Variants in LRMDA observed in about 807,000 individuals in gnomAD.
The protein encoded by LRMDA is leucine-rich melanocyte differentiation-associated protein.
Under a neutral mutation model 29.8 loss-of-function variants are expected in LRMDA, and 18 were observed. The ratio of observed to expected loss-of-function variants is 0.60; its 90% CI spans 0.42 to 0.90. The LOEUF (loss-of-function observed/expected upper bound fraction) is 0.90, where lower values mean the gene tolerates loss of function less well. Among genes scored for constraint, LRMDA ranks in the 40% least tolerant of loss-of-function variants. The pLI, the probability that LRMDA is intolerant of heterozygous loss-of-function variation, is 0.00. For missense variants in LRMDA, 273 were observed against 273.9 expected (o/e 1.00, Z 0.02); for synonymous variants, 125 against 109.4 (o/e 1.14, Z -0.89).
chr10:76,473,070 G>A (rs1212468153), intron 6 of LRMDA, among the ~76,000 whole-genome samples: 1 of 151,336 alleles, frequency 6.6e-6, no homozygotes, highest in African/African-American at 2.4e-5. Context: ...GGCATCATAA[G>A]AAAGAAAAAT....
chr10:75,952,061 C>G (rs1449801137), intron 2 of LRMDA, among the ~76,000 whole-genome samples: 1 of 152,178 alleles, frequency 6.6e-6, no homozygotes, highest in African/African-American at 2.4e-5. Context: ...TGGTGGAGCC[C>G]AGGAGTCACC....
intron 4 of LRMDA, among the ~76,000 whole-genome samples, chr10:76,055,063 C>CGAAAA (rs1848587688): frequency 2.2e-5 from 1 of 45,898 alleles, no homozygotes; most frequent in Admixed American, 3.4e-4. Flanking sequence ...GACTCCATCT[C>CGAAAA]AAAAAAAAAA....
chr10:76,049,457 C>G (rs1047635889), intron 4 of LRMDA, among the ~76,000 whole-genome samples: 2 of 152,190 alleles, frequency 1.3e-5, no homozygotes, highest in Non-Finnish European at 2.9e-5. Context: ...ACATTCACTG[C>G]ACAGCAACTG....
intron 2 of LRMDA, among the ~76,000 whole-genome samples, chr10:75,847,421 T>TAGG (rs57549603): frequency 0.7 from 106,178 of 151,680 alleles, 37,424 homozygotes; most frequent in East Asian, 0.84. Flanking sequence ...GAAGGAAACA[T>TAGG]AGGAAAGCTT....
intron 2 of LRMDA, among the ~76,000 whole-genome samples, chr10:75,587,573 C>G (rs1840672128): frequency 6.6e-6 from 1 of 152,174 alleles, no homozygotes; most frequent in African/African-American, 2.4e-5. Flanking sequence ...TCTTTATTCT[C>G]TAATGGGATA....
chr10:76,517,597 G>A (rs1212620472), intron 6 of LRMDA, among the ~76,000 whole-genome samples: 1 of 151,992 alleles, frequency 6.6e-6, no homozygotes, highest in Middle Eastern at 3.2e-3. Flanking sequence ...TCTAAAGCAG[G>A]TACATGAGAA....
chr10:76,245,449 C>T (rs567157130), intron 5 of LRMDA, among the ~76,000 whole-genome samples: 2 of 152,224 alleles, frequency 1.3e-5, no homozygotes, highest in East Asian at 3.9e-4. Context: ...AGGTCAGCTT[C>T]CATGTACATT....
chr10:75,630,877 G>T (rs1370260985), intron 2 of LRMDA, among the ~76,000 whole-genome samples: 2 of 152,152 alleles, frequency 1.3e-5, no homozygotes, highest in Middle Eastern at 3.2e-3. Flanking sequence ...CTAGAAAAAG[G>T]AGCTGAAGAA....
At chr10:76,532,599 G>A (rs1013709462) in intron 6 of LRMDA, among the ~76,000 whole-genome samples, 5 of 152,272 alleles carry the variant, frequency 3.3e-5, no homozygotes, top group African/African-American at 1.2e-4. Context: ...GATGGGTAGT[G>A]CACAGAAAGA....
intron 2 of LRMDA, among the ~76,000 whole-genome samples, chr10:75,915,532 G>C (rs1845919156): frequency 6.6e-6 from 1 of 152,230 alleles, no homozygotes; most frequent in South Asian, 2.1e-4. Flanking sequence ...GAGCCAGCAA[G>C]TCTGGCCTCG....
rs150223437 is a variant in LRMDA at position 75,952,926 on chromosome 10, T to C, written c.132-83082T>C. Among the ~76,000 whole-genome samples the C allele has an allele frequency of 4.7e-3, 721 of 151,934 alleles. 4 individuals are homozygous for C. Among genetic ancestry groups the C allele is most frequent in the African/African-American group, 0.016 (663 of 41,400 alleles). The stretch of plus-strand genomic sequence containing the variant: ...CACACCACCATGCCCAGCTACCTTT[T>C]GTATTTTTAGTAGAGATGGGGTTTC... On this transcript the variant is annotated intron_variant, in intron 2 of 6. Coordinates refer to ENST00000611255, the MANE Select transcript of LRMDA (RefSeq NM_001305581.2).
At chr10:76,205,434 G>A (rs1387083063) in intron 5 of LRMDA, among the ~76,000 whole-genome samples, 1 of 152,166 alleles carries the variant, frequency 6.6e-6, no homozygotes, top group Non-Finnish European at 1.5e-5. Flanking sequence ...GGCTTAAAAT[G>A]AAAGAGAATC....
intron 2 of LRMDA, among the ~76,000 whole-genome samples, chr10:75,977,085 A>G (rs370839478): frequency 4.0e-5 from 6 of 150,660 alleles, no homozygotes; most frequent in African/African-American, 1.5e-4. Flanking sequence ...TATACTTTAT[A>G]CTAGATAGAG....
chr10:75,711,733 A>G (rs1257614630), intron 2 of LRMDA, among the ~76,000 whole-genome samples: 1 of 152,182 alleles, frequency 6.6e-6, no homozygotes, highest in Non-Finnish European at 1.5e-5. Flanking sequence ...TACACCTTTG[A>G]ATTACAAGCA....
intron 5 of LRMDA, among the ~76,000 whole-genome samples, chr10:76,183,918 G>T (rs899797075): frequency 6.6e-6 from 1 of 152,110 alleles, no homozygotes; most frequent in Non-Finnish European, 1.5e-5. Context: ...CCTGGGTCTT[G>T]CTCTGTTGCC....
At chr10:76,355,204 G>A (rs577304576) in intron 6 of LRMDA, among the ~76,000 whole-genome samples, 2 of 152,120 alleles carry the variant, frequency 1.3e-5, no homozygotes, top group African/African-American at 4.8e-5. Flanking sequence ...ATAAGCTATC[G>A]TGTATGTGCC....
At chr10:76,538,489 T>C (rs1300331724) in intron 6 of LRMDA, among the ~76,000 whole-genome samples, 3 of 140,678 alleles carry the variant, frequency 2.1e-5, no homozygotes, top group African/African-American at 7.9e-5. Context: ...CATATTTATA[T>C]AGTTATATAT....
intron 6 of LRMDA, among the ~76,000 whole-genome samples, chr10:76,507,205 ATT>A (rs56938536): frequency 5.4e-5 from 8 of 149,450 alleles, no homozygotes; most frequent in Non-Finnish European, 7.4e-5. Flanking sequence ...AATGTTGAAC[ATT>A]TTTTTTTTCA....
rs183494768 is a variant in LRMDA at position 76,558,852 on chromosome 10, C to G, written c.*1564C>G. The G allele has an allele frequency of 6.6e-5, 10 of 152,284 alleles. No individual in the cohort carries two copies. The East Asian group carries it at 1.9e-3, about 29-fold the overall frequency. 9.4% of individuals were successfully genotyped at this position (152,284 alleles called of 1,614,324 possible). On this transcript the variant is annotated 3_prime_UTR_variant, in exon 7 of 7. Transcript: ENST00000611255. ...GAGTCCCTGTTTGAGATTACACAAC[C>G]TTTGTTAATCAGTTCTTTAGACAAG...
Sources: allele counts gnomAD v4.1 joint callset (sites outside exome capture counted in the v4.1 genomes callset), GRCh38; gene constraint gnomAD v4.1.1; transcripts MANE v1.5; gene names NCBI Gene and HGNC (gene_info 2026-07-23, HGNC 2026-07-21).